Variants in PTAR1 observed in about 807,000 individuals in gnomAD.
PTAR1 encodes the protein protein prenyltransferase alpha subunit repeat containing 1, also known as protein prenyltransferase alpha subunit repeat-containing protein 1.
Under a neutral mutation model 45.5 loss-of-function variants are expected in PTAR1, and 17 were observed. The ratio of observed to expected loss-of-function variants is 0.37; its 90% CI spans 0.26 to 0.56. The LOEUF (loss-of-function observed/expected upper bound fraction) is 0.56. Among genes scored for constraint, PTAR1 ranks in the 20% least tolerant of loss-of-function variants. The probability of loss-of-function intolerance (pLI) is 0.77; values close to 1 mark genes in which losing one functional copy is unlikely to be tolerated. For synonymous variants in PTAR1, 169 were observed against 171.3 expected (o/e 0.99, Z 0.11); for missense variants, 391 against 476.3 (o/e 0.82, Z 1.67).
chr9:69,717,302 G>A lies in PTAR1; in HGVS notation c.*1040C>T, dbSNP rs1245634902. On this transcript the variant is annotated 3_prime_UTR_variant, in exon 8 of 8. Coordinates refer to ENST00000340434, the MANE Select transcript of PTAR1 (RefSeq NM_001099666.2). ...TATATATTTCTCCCATTTGTCATAAGTGAATTTGAAATTAAAAAGTAGTAA... is the reference window on the plus strand; with the variant it reads ...TATATATTTCTCCCATTTGTCATAAATGAATTTGAAATTAAAAAGTAGTAA... 1 of 151,944 alleles carries A rather than the reference G, an allele frequency of 6.6e-6. No homozygotes were observed. The highest frequency in any genetic ancestry group is 1.5e-5 in the Non-Finnish European group (1 of 68,006). The allele number at this position is 151,944 out of a possible 1,614,324, so 9.4% of individuals were successfully genotyped here. A position where few individuals can be genotyped will look rare whatever the true frequency, so the allele number is the denominator to read the frequency against.
At chr9:69,756,927 T>G (rs1005722127) in intron 1 of PTAR1, among the ~76,000 whole-genome samples, 2 of 152,182 alleles carry the variant, frequency 1.3e-5, no homozygotes, top group African/African-American at 2.4e-5. Flanking sequence ...TAAATAAAAT[T>G]TAAAATGTGG....
At chr9:69,747,987 C>T (rs1012538390) in intron 2 of PTAR1, among the ~76,000 whole-genome samples, 13 of 152,066 alleles carry the variant, frequency 8.5e-5, no homozygotes, top group Non-Finnish European at 1.9e-4. Flanking sequence ...TTCAGAAAAG[C>T]GTGGTCAAAC....
At chr9:69,733,916 G>T (rs565120317) in intron 4 of PTAR1, among the ~76,000 whole-genome samples, 1 of 152,190 alleles carries the variant, frequency 6.6e-6, no homozygotes, top group African/African-American at 2.4e-5. Context: ...TATGAGACAG[G>T]TGTAATTATT....
At chr9:69,719,069 T>C (rs1027866396) in intron 6 of PTAR1, among the ~76,000 whole-genome samples, 1 of 152,162 alleles carries the variant, frequency 6.6e-6, no homozygotes, top group Non-Finnish European at 1.5e-5. Flanking sequence ...CTCATTGATA[T>C]CCTAGAAGAC....
At chr9:69,757,538 TAAC>T (rs1363690395) in intron 1 of PTAR1, 3 of 152,172 alleles carry the variant, frequency 2.0e-5, no homozygotes, top group Non-Finnish European at 4.4e-5. Context: ...CATCATACAG[TAAC>T]AAAATCCACA....
intron 2 of PTAR1, among the ~76,000 whole-genome samples, chr9:69,746,891 C>T (rs1826298184): frequency 6.6e-6 from 1 of 152,198 alleles, no homozygotes; most frequent in Non-Finnish European, 1.5e-5. Context: ...CTGTCTCTAA[C>T]AGAGAAAGGT....
At chr9:69,725,710 G>C (rs1825245530) in intron 5 of PTAR1, among the ~76,000 whole-genome samples, 1 of 151,860 alleles carries the variant, frequency 6.6e-6, no homozygotes, top group Non-Finnish European at 1.5e-5. Flanking sequence ...ATGCATATTA[G>C]AAACTTTAAC....
chr9:69,749,828 T>C (rs144845751), intron 2 of PTAR1, among the ~76,000 whole-genome samples: 4 of 152,172 alleles, frequency 2.6e-5, no homozygotes, highest in Admixed American at 2.6e-4. Flanking sequence ...AAAGGGACCA[T>C]GTATTTATTC....
intron 1 of PTAR1, among the ~76,000 whole-genome samples, chr9:69,754,635 G>A (rs1826685365): frequency 6.8e-6 from 1 of 146,342 alleles, no homozygotes; most frequent in South Asian, 2.1e-4. Flanking sequence ...CCAACTCCTG[G>A]GCTCAAGAAA....
At chr9:69,740,885 C>T (rs1210504504) in intron 3 of PTAR1, among the ~76,000 whole-genome samples, 1 of 151,992 alleles carries the variant, frequency 6.6e-6, no homozygotes, top group Non-Finnish European at 1.5e-5. Context: ...TCAATATATC[C>T]AAAATATAAT....
In PTAR1 at chr9:69,718,695, G is replaced by C; in HGVS notation, c.948-11C>G. On this transcript the variant is annotated splice_polypyrimidine_tract_variant and intron_variant, in intron 6 of 7. Coordinates refer to ENST00000340434, the MANE Select transcript of PTAR1 (RefSeq NM_001099666.2). Reference sequence around the variant, plus strand: ...TAGAAAATATGCCGCCTGCGATAGAGAGGGGAAGGAAGAGAATAAAGAAAA... The same window carrying C: ...TAGAAAATATGCCGCCTGCGATAGACAGGGGAAGGAAGAGAATAAAGAAAA... 6.5e-7 allele frequency: 1 copy of C among 1,530,026 alleles called. No homozygotes were observed. Among genetic ancestry groups the C allele is most frequent in the Non-Finnish European group, 8.8e-7 (1 of 1,136,630 alleles). The allele number at this position is 1,530,026 out of a possible 1,614,324, so 94.8% of individuals were successfully genotyped here. A position where few individuals can be genotyped will look rare whatever the true frequency, so the allele number is the denominator to read the frequency against.
chr9:69,759,822 CCCT>C, intron 1 of PTAR1, 28 bp downstream of exon 1: 1 of 1,509,140 alleles, frequency 6.6e-7, no homozygotes, highest in African/African-American at 1.5e-5. Flanking sequence ...CTCCCGACGA[CCCT>C]CGGAGGCGGC....
At chr9:69,741,481 A>G in intron 3 of PTAR1, 1 of 284,436 alleles carries the variant, frequency 3.5e-6, no homozygotes, top group South Asian at 5.2e-5. Context: ...TATATGCCTT[A>G]TAAGCCAACC....
At chr9:69,740,752 T>A (rs1186367537) in intron 3 of PTAR1, among the ~76,000 whole-genome samples, 1 of 151,988 alleles carries the variant, frequency 6.6e-6, no homozygotes, top group African/African-American at 2.4e-5. Flanking sequence ...TGATTCTTCC[T>A]CATCTTGCAA....
chr9:69,756,879 T>G (rs1297605622), intron 1 of PTAR1, among the ~76,000 whole-genome samples: 2 of 152,226 alleles, frequency 1.3e-5, no homozygotes. Flanking sequence ...CAGTAGTCAC[T>G]AGGCACATGG....
chr9:69,742,400 T>G (rs1301367617), intron 2 of PTAR1, among the ~76,000 whole-genome samples: 1 of 152,128 alleles, frequency 6.6e-6, no homozygotes, highest in Non-Finnish European at 1.5e-5. Context: ...TATTATTTCA[T>G]ATGCATCCTC....
At chr9:69,722,861 C>T (rs1047745377) in intron 6 of PTAR1, among the ~76,000 whole-genome samples, 1 of 149,646 alleles carries the variant, frequency 6.7e-6, no homozygotes, top group Admixed American at 6.8e-5. Flanking sequence ...ATTGCTTGAA[C>T]CTTGGAGGCC....
intron 2 of PTAR1, among the ~76,000 whole-genome samples, 186 bp downstream of exon 2, chr9:69,750,595 T>C (rs1033118976): frequency 6.6e-6 from 1 of 150,620 alleles, no homozygotes; most frequent in African/African-American, 2.4e-5. Flanking sequence ...ATAATCACTG[T>C]GGTTGTAAAA....
At chr9:69,727,444 A>C (rs1169450429) in intron 5 of PTAR1, among the ~76,000 whole-genome samples, 1 of 152,088 alleles carries the variant, frequency 6.6e-6, no homozygotes, top group Non-Finnish European at 1.5e-5. Flanking sequence ...TTCACTTAGC[A>C]TAATGTGAGT....
Sources: allele counts gnomAD v4.1 joint callset (sites outside exome capture counted in the v4.1 genomes callset), GRCh38; gene constraint gnomAD v4.1.1; transcripts MANE v1.5; gene names NCBI Gene and HGNC (gene_info 2026-07-23, HGNC 2026-07-21).